Variants in IL1RAPL1 observed in about 807,000 individuals in gnomAD.
IL1RAPL1 encodes the protein interleukin 1 receptor accessory protein like 1.
In IL1RAPL1, 3 loss-of-function variants were observed where a neutral mutation model predicts 48.4. That is an observed-to-expected ratio of 0.06 (90% CI 0.03 to 0.16). The LOEUF (loss-of-function observed/expected upper bound fraction) is 0.16. Ranked by LOEUF, IL1RAPL1 falls within the 10% of genes least tolerant of loss-of-function variation. IL1RAPL1 has a pLI of 1.00. For missense variants in IL1RAPL1, 349 were observed against 530.6 expected, an observed-to-expected ratio of 0.66 and a Z score of 3.36; for synonymous variants, 185 against 187.7, an observed-to-expected ratio of 0.99 and a Z score of 0.12.
chrX:29,193,606 A>G (rs1168395973), intron 2 of IL1RAPL1, among the ~76,000 whole-genome samples: 1 of 110,910 alleles, frequency 9.0e-6, no homozygotes, highest in Non-Finnish European at 1.9e-5. Flanking sequence ...ATAGTGTAGT[A>G]AAAGATTAGG....
At chrX:28,743,840 A>T (rs897314187) in intron 1 of IL1RAPL1, among the ~76,000 whole-genome samples, 22 of 110,721 alleles carry the variant, frequency 2.0e-4, no homozygotes, top group Non-Finnish European at 3.8e-4. Context: ...CCTCTATTTC[A>T]TCCAAACTGT....
At chrX:29,080,445 G>A (rs1204798775) in intron 2 of IL1RAPL1, among the ~76,000 whole-genome samples, 2 of 110,586 alleles carry the variant, frequency 1.8e-5, no homozygotes, top group Admixed American at 9.7e-5. Context: ...GTTATATATG[G>A]TAAACCAGGA....
intron 2 of IL1RAPL1, among the ~76,000 whole-genome samples, chrX:29,122,892 A>G (rs1262441421): frequency 9.0e-6 from 1 of 111,709 alleles, no homozygotes; most frequent in South Asian, 3.7e-4. Flanking sequence ...GCAAAGAAGC[A>G]GTAATTTTGA....
At chrX:29,435,941 T>C (rs902425739) in intron 5 of IL1RAPL1, among the ~76,000 whole-genome samples, 3 of 110,585 alleles carry the variant, frequency 2.7e-5, no homozygotes, top group Non-Finnish European at 5.7e-5. Flanking sequence ...GATCATGCTT[T>C]TATAGAAATT....
chrX:28,865,137 G>T (rs1922046274), intron 2 of IL1RAPL1, among the ~76,000 whole-genome samples: 1 of 111,781 alleles, frequency 8.9e-6, no homozygotes, highest in African/African-American at 3.3e-5. Context: ...ACAGGGAGTT[G>T]TTAAGAATCA....
chrX:29,939,120 A>G (rs1933083175), intron 8 of IL1RAPL1, among the ~76,000 whole-genome samples: 1 of 111,781 alleles, frequency 8.9e-6, no homozygotes, highest in Non-Finnish European at 1.9e-5. Context: ...TGCTATTGAT[A>G]TGGTAGATTT....
chrX:29,780,710 A>G (rs751268764), intron 6 of IL1RAPL1, among the ~76,000 whole-genome samples: 6 of 111,648 alleles, frequency 5.4e-5, no homozygotes, highest in Non-Finnish European at 9.4e-5. Context: ...TCACCTGAGT[A>G]TTGCCTCACA....
chrX:29,009,595 A>G (rs137967433), intron 2 of IL1RAPL1, among the ~76,000 whole-genome samples: 1,771 of 111,593 alleles, frequency 0.016, 28 homozygotes, highest in African/African-American at 0.055. Flanking sequence ...TGAGTTTTCT[A>G]TTCTGTTCCA....
intron 5 of IL1RAPL1, among the ~76,000 whole-genome samples, chrX:29,551,299 A>G (rs1395733030): frequency 8.9e-6 from 1 of 112,161 alleles, no homozygotes; most frequent in Non-Finnish European, 1.9e-5. Context: ...GAGTTGAAAT[A>G]TATTTTGTTA....
At chrX:29,095,533 A>C (rs1396845759) in intron 2 of IL1RAPL1, among the ~76,000 whole-genome samples, 2 of 111,977 alleles carry the variant, frequency 1.8e-5, no homozygotes, top group African/African-American at 6.5e-5. Flanking sequence ...TCCATGCTGT[A>C]TCATAGTGAC....
chrX:28,591,275 T>C (rs946138849), intron 1 of IL1RAPL1, among the ~76,000 whole-genome samples: 2 of 112,329 alleles, frequency 1.8e-5, no homozygotes, highest in Admixed American at 9.5e-5. Flanking sequence ...TTCCTAAAAC[T>C]AGAGAAAATT....
chrX:29,906,767 T>C (rs988641385), intron 6 of IL1RAPL1, among the ~76,000 whole-genome samples: 17 of 108,705 alleles, frequency 1.6e-4, no homozygotes, highest in Admixed American at 1.1e-3. Context: ...TTCTGGACAG[T>C]TAACTGTAAT....
intron 5 of IL1RAPL1, among the ~76,000 whole-genome samples, chrX:29,473,080 G>GTTGGTGGGGTTGGTTCTTT (rs1192825574): frequency 2.7e-5 from 3 of 111,470 alleles, no homozygotes; most frequent in African/African-American, 9.8e-5. Flanking sequence ...AGATCAAGGT[G>GTTGGTGGGGTTGGTTCTTT]TTGGTGGGGT....
intron 1 of IL1RAPL1, among the ~76,000 whole-genome samples, chrX:28,674,767 C>A (rs1035245988): frequency 3.6e-5 from 4 of 111,316 alleles, no homozygotes; most frequent in African/African-American, 1.3e-4. Flanking sequence ...AAACTCTTAG[C>A]CCATTGTAAA....
chrX:28,640,543 G>A (rs1381510019), intron 1 of IL1RAPL1, among the ~76,000 whole-genome samples: 1 of 108,424 alleles, frequency 9.2e-6, no homozygotes, highest in Non-Finnish European at 1.9e-5. Context: ...TAGAGATGAG[G>A]TGTCAACATG....
At chrX:28,669,576 C>T (rs1033003662) in intron 1 of IL1RAPL1, among the ~76,000 whole-genome samples, 1 of 107,100 alleles carries the variant, frequency 9.3e-6, no homozygotes, top group Non-Finnish European at 1.9e-5. Flanking sequence ...GGAGATTGCA[C>T]TACTGCACTC....
chrX:29,668,323 A>G (rs1926053742), intron 5 of IL1RAPL1, 107 bp from the exon 6 acceptor site: 1 of 703,455 alleles, frequency 1.4e-6, no homozygotes, highest in Non-Finnish European at 2.2e-6. Flanking sequence ...GCACTTTAAC[A>G]CTACTTTGAA....
chrX:29,338,669 GT>G (rs1475380921), intron 3 of IL1RAPL1, among the ~76,000 whole-genome samples: 1 of 110,827 alleles, frequency 9.0e-6, no homozygotes, highest in Non-Finnish European at 1.9e-5. Flanking sequence ...TTAGTACTTT[GT>G]TTCTCTCTCT....
intron 2 of IL1RAPL1, among the ~76,000 whole-genome samples, chrX:29,014,597 T>A (rs1034803363): frequency 1.8e-5 from 2 of 111,848 alleles, no homozygotes; most frequent in African/African-American, 3.2e-5. Flanking sequence ...ACAATTCATT[T>A]GAAGAGAGGC....
Sources: gnomAD v4.1 joint callset for allele counts (sites outside exome capture counted in the v4.1 genomes callset) on GRCh38, gnomAD v4.1.1 for gene constraint, MANE v1.5 for transcripts, NCBI Gene and HGNC (gene_info 2026-07-23, HGNC 2026-07-21) for gene names.